The following MBNL2 variants were observed in gnomAD, a reference collection of about 807,000 sequenced individuals.
MBNL2 encodes the protein muscleblind like splicing regulator 2, also known as muscleblind-like protein 2.
In MBNL2, 17 loss-of-function variants were observed where a neutral mutation model predicts 41.9. That is an observed-to-expected ratio of 0.41 (90% CI 0.28 to 0.61). The LOEUF is 0.61. Ranked by LOEUF, MBNL2 falls within the 20% of genes least tolerant of loss-of-function variation. The probability of loss-of-function intolerance (pLI) is 0.35; values close to 1 mark genes in which losing one functional copy is unlikely to be tolerated. For synonymous variants in MBNL2, 195 were observed against 182.9 expected, an observed-to-expected ratio of 1.07 and a Z score of -0.53; for missense variants, 336 against 505.6, an observed-to-expected ratio of 0.66 and a Z score of 3.22.
chr13:97,278,251 C>CAAAAA lies in MBNL2; in HGVS notation c.174+1864_174+1868dup, dbSNP rs10606011. Among the ~76,000 whole-genome samples the CAAAAA allele has an allele frequency of 7.4e-3, 298 of 40,536 alleles. 46 individuals are homozygous for CAAAAA. Among genetic ancestry groups the CAAAAA allele is most frequent in the African/African-American group, 0.031 (277 of 8,840 alleles). 26.6% of individuals were successfully genotyped at this position (40,536 alleles called of 152,430 possible). Reference sequence around the variant, plus strand: ...CCTGGGTGATAGAGTGAGACTGTCTCAAAAAAAAAAAAAAAAAAAAAAAAA... The same window carrying CAAAAA: ...CCTGGGTGATAGAGTGAGACTGTCTCAAAAAAAAAAAAAAAAAAAAAAAAAAAAAA... On this transcript the variant is annotated intron_variant, in intron 2 of 8. Transcript: ENST00000679496.
chr13:97,351,220 C>CTT, intron 5 of MBNL2, among the ~76,000 whole-genome samples: 1 of 152,178 alleles, frequency 6.6e-6, no homozygotes, highest in South Asian at 2.1e-4. Flanking sequence ...CAACTGTGGG[C>CTT]TTAAAACATT....
intron 8 of MBNL2, among the ~76,000 whole-genome samples, chr13:97,372,627 T>A (rs2064495833): frequency 1.3e-5 from 2 of 152,190 alleles, no homozygotes; most frequent in Admixed American, 1.3e-4. Flanking sequence ...TTATATATGA[T>A]CATCAATTTC....
Position 97,231,011 on chromosome 13 carries a change from T to C in MBNL2, c.-605+8480T>C, listed in dbSNP as rs9582119. ...GCATCCATCTCTCAAAATGTATATA[T>C]TTTGGGGATGTTACTGGTTAGAACA... On this transcript the variant is annotated intron_variant, in intron 1 of 8. Transcript: ENST00000679496. 5.7e-3 allele frequency among the ~76,000 whole-genome samples: 866 copies of C among 152,336 alleles called. 9 individuals are homozygous for C. The highest frequency in any genetic ancestry group is 0.018 in the African/African-American group (759 of 41,566).
intron 2 of MBNL2, among the ~76,000 whole-genome samples, chr13:97,319,095 G>C (rs2153037277): frequency 6.6e-6 from 1 of 152,334 alleles, no homozygotes; most frequent in African/African-American, 2.4e-5. Context: ...GGGTTTTCTG[G>C]AGGCAAAGGC....
chr13:97,265,968 A>T (rs1202143321), intron 1 of MBNL2, among the ~76,000 whole-genome samples: 3 of 152,120 alleles, frequency 2.0e-5, no homozygotes, highest in Non-Finnish European at 4.4e-5. Flanking sequence ...TAGGCCGGGC[A>T]CGGTGGCTCA....
intron 2 of MBNL2, among the ~76,000 whole-genome samples, chr13:97,296,070 T>C (rs2056961336): frequency 6.6e-6 from 1 of 152,190 alleles, no homozygotes; most frequent in South Asian, 2.1e-4. Context: ...TTCTTAGTAA[T>C]AATGACTCAG....
intron 1 of MBNL2, among the ~76,000 whole-genome samples, chr13:97,237,895 G>A (rs1175567734): frequency 9.9e-5 from 15 of 152,164 alleles, no homozygotes; most frequent in Admixed American, 9.8e-4. Context: ...TGAAGGCATG[G>A]GCTGGGATAG....
the MBNL2 span, among the ~76,000 whole-genome samples, chr13:97,206,251 T>G: frequency 6.6e-6 from 1 of 152,116 alleles, no homozygotes; most frequent in Non-Finnish European, 1.5e-5. Context: ...AGATTTTTTT[T>G]CTTTTTTCTG....
rs2066394305 is a variant in MBNL2 at position 97,391,639 on chromosome 13, G to T, written c.*190G>T. On this transcript the variant is annotated 3_prime_UTR_variant, in exon 9 of 9. Transcript: ENST00000679496. ...TAAAGGGTTTCTAAACATAGTTTCTGTCCTAGGAATATTGTCTTATCTCCA... is the reference window on the plus strand; with the variant it reads ...TAAAGGGTTTCTAAACATAGTTTCTTTCCTAGGAATATTGTCTTATCTCCA... 2.0e-6 allele frequency: 1 copy of T among 500,250 alleles called. No individual in the cohort carries two copies. The highest frequency in any genetic ancestry group is 3.6e-5 in the East Asian group (1 of 27,730). The allele number at this position is 500,250 out of a possible 1,614,324, so 31.0% of individuals were successfully genotyped here.
At chr13:97,309,154 G>A (rs1400229684) in intron 2 of MBNL2, among the ~76,000 whole-genome samples, 1 of 152,204 alleles carries the variant, frequency 6.6e-6, no homozygotes, top group Admixed American at 6.5e-5. Context: ...CATAGGAACA[G>A]GGCTGTGGGG....
chr13:97,341,950 CAGTTA>C (rs546126681), intron 3 of MBNL2, among the ~76,000 whole-genome samples: 239 of 152,234 alleles, frequency 1.6e-3, no homozygotes, highest in Non-Finnish European at 3.0e-3. Flanking sequence ...TGACAAGCAA[CAGTTA>C]AGTTCAGTGT....
intron 1 of MBNL2, among the ~76,000 whole-genome samples, chr13:97,258,289 A>G (rs1225499090): frequency 6.6e-6 from 1 of 152,032 alleles, no homozygotes; most frequent in Non-Finnish European, 1.5e-5. Context: ...CCTAGCAGTT[A>G]GCTTAATTTC....
chr13:97,305,893 T>C (rs2058079757), intron 2 of MBNL2, among the ~76,000 whole-genome samples: 1 of 152,142 alleles, frequency 6.6e-6, no homozygotes, highest in South Asian at 2.1e-4. Context: ...AATAATTATT[T>C]CTAAGAGGAG....
chr13:97,243,852 T>G (rs1267564116), intron 1 of MBNL2, among the ~76,000 whole-genome samples: 2 of 152,176 alleles, frequency 1.3e-5, no homozygotes, highest in Admixed American at 1.3e-4. Flanking sequence ...ACTGAGAATT[T>G]TATCCTCCGG....
At chr13:97,179,416 G>A in the MBNL2 span, 1 of 152,124 alleles carries the variant, frequency 6.6e-6, no homozygotes, top group Non-Finnish European at 1.5e-5. Context: ...TATTTGACAT[G>A]AAAATATACT....
chr13:97,180,409 T>C, the MBNL2 span, among the ~76,000 whole-genome samples: 1 of 152,212 alleles, frequency 6.6e-6, no homozygotes, highest in East Asian at 1.9e-4. Flanking sequence ...ATGGGCTGAG[T>C]TGATATTTAT....
At chr13:97,195,284 C>T in the MBNL2 span, among the ~76,000 whole-genome samples, 3 of 152,038 alleles carry the variant, frequency 2.0e-5, no homozygotes, top group Non-Finnish European at 4.4e-5. Context: ...CAGTTGTCCC[C>T]CAGCCCACCC....
At chr13:97,351,573 A>G (rs764353030) in intron 5 of MBNL2, among the ~76,000 whole-genome samples, 66 of 152,294 alleles carry the variant, frequency 4.3e-4, no homozygotes, top group Non-Finnish European at 8.8e-5. Flanking sequence ...CTGCTTCTCC[A>G]TCAGCCCTTG....
At chr13:97,185,864 C>G in the MBNL2 span, among the ~76,000 whole-genome samples, 1 of 152,252 alleles carries the variant, frequency 6.6e-6, no homozygotes, top group African/African-American at 2.4e-5. Flanking sequence ...AGGCAAGGCT[C>G]TAGGCGCTCC....
Sources: gnomAD v4.1 joint callset for allele counts (sites outside exome capture counted in the v4.1 genomes callset) on GRCh38, gnomAD v4.1.1 for gene constraint, MANE v1.5 for transcripts, NCBI Gene and HGNC (gene_info 2026-07-23, HGNC 2026-07-21) for gene names.